Variants in MEX3C observed in about 807,000 individuals in gnomAD.
MEX3C encodes mex-3 RNA binding family member C.
Under a neutral mutation model 35.5 loss-of-function variants are expected in MEX3C, and 15 were observed. The observed-to-expected ratio is 0.42, with a 90% CI of 0.28 to 0.65. MEX3C has a LOEUF of 0.65. Ranked by LOEUF, MEX3C falls within the 30% of genes least tolerant of loss-of-function variation. The pLI, the probability that MEX3C is intolerant of heterozygous loss-of-function variation, is 0.20. For missense variants in MEX3C, 711 were observed against 842.8 expected (o/e 0.84, Z 1.94); for synonymous variants, 390 against 352.8 (o/e 1.11, Z -1.18).
At chr18:51,190,094 TGAGG>T (rs1462222617) in intron 1 of MEX3C, among the ~76,000 whole-genome samples, 1 of 152,008 alleles carries the variant, frequency 6.6e-6, no homozygotes, top group Non-Finnish European at 1.5e-5. Flanking sequence ...TCACAACAAA[TGAGG>T]GAGAGGGGAG....
At chr18:51,195,877 G>A (rs1912773009) in intron 1 of MEX3C, 1 of 152,282 alleles carries the variant, frequency 6.6e-6, no homozygotes, top group Non-Finnish European at 1.5e-5. Flanking sequence ...AATTACCTTA[G>A]TGTCCATTTT....
chr18:51,176,595 G>A lies in MEX3C; in HGVS notation c.1736C>T (p.Ala579Val). The A allele has an allele frequency of 1.9e-6, 3 of 1,614,030 alleles. No homozygotes were observed. Among genetic ancestry groups the A allele is most frequent in the Non-Finnish European group, 2.5e-6 (3 of 1,179,894 alleles). Residue 579 changes from alanine (A) to valine (V), a missense_variant, in exon 2 of 2, where the codon GCT becomes GTT. Around this residue, in one of 4 missense-constraint regions of MEX3C, gnomAD observed 87 missense variants for 150.4 expected, o/e 0.58. Transcript: ENST00000406189. ...NHVGLPIYIPAFSNGTNSYSS... is the reference protein window; with the variant it reads ...NHVGLPIYIPVFSNGTNSYSS... ...GTAACTATTGGTACCATTAGAAAAA[G>A]CAGGGATATATATTGGAAGGCCAAC...
At chr18:51,186,879 TA>T (rs1912551796) in intron 1 of MEX3C, among the ~76,000 whole-genome samples, 1 of 152,226 alleles carries the variant, frequency 6.6e-6, no homozygotes, top group South Asian at 2.1e-4. Context: ...ACAAGGTGAC[TA>T]AAGAAAGCTC....
chr18:51,177,158 A>G lies in MEX3C; in HGVS notation c.1173T>C (p.Ile391=). The G allele has an allele frequency of 6.2e-7, 1 of 1,613,832 alleles. No individual in the cohort carries two copies. The highest frequency in any genetic ancestry group is 2.2e-5 in the East Asian group (1 of 44,882). ...DRAREEIEMH[I]AMRTGNYIEL... ...CTATATAGTTTCCTGTACGCATGGC[A>G]ATATGCATTTCTATTTCTTCCCGTG... The change falls in exon 2 of 2, where the codon ATT becomes ATC. Residue 391 remains isoleucine (I), a synonymous_variant. Coordinates refer to ENST00000406189, the MANE Select transcript of MEX3C (RefSeq NM_016626.5). The surrounding 1 kb of genome is among the most constrained non-coding windows in gnomAD (Gnocchi z 4.2).
Position 51,192,105 on chromosome 18 carries a change from A to G in MEX3C, c.754+4462T>C, listed in dbSNP as rs139610329. ...CCACCTAGAATTCCAACCTATAAAC[A>G]TTGTTTGAAAATTTTCTAGATAGAA... On this transcript the variant is annotated intron_variant, in intron 1 of 1. Coordinates refer to ENST00000406189, the MANE Select transcript of MEX3C (RefSeq NM_016626.5). Among the ~76,000 whole-genome samples the G allele has an allele frequency of 1.6e-3, 242 of 152,268 alleles. 2 individuals are homozygous for G. The highest frequency in any genetic ancestry group is 5.6e-3 in the African/African-American group (232 of 41,576).
chr18:51,188,126 G>A (rs1371126017), intron 1 of MEX3C, among the ~76,000 whole-genome samples: 1 of 152,118 alleles, frequency 6.6e-6, no homozygotes, highest in African/African-American at 2.4e-5. Context: ...GCTATTTTAA[G>A]GCAAGAATAC....
Position 51,176,897 on chromosome 18 carries a change from G to C in MEX3C, c.1434C>G (p.Phe478Leu). The change falls in exon 2 of 2, where the codon TTC (phenylalanine) becomes TTG (leucine). Residue 478 changes from phenylalanine (F) to leucine (L), a missense_variant. Physicochemically the swap from Phe to Leu is conservative, Grantham distance 22. Transcript: ENST00000406189. ...SPTSPFSTGN[F>L]WFGDTLPSVG... ...CAGATGGTAGTGTATCTCCAAACCAGAAGTTTCCTGTGCTAAATGGGCTTG... is the reference window on the plus strand; with the variant it reads ...CAGATGGTAGTGTATCTCCAAACCACAAGTTTCCTGTGCTAAATGGGCTTG... 3.1e-6 allele frequency: 5 copies of C among 1,614,048 alleles called. No individual in the cohort carries two copies. The highest frequency in any genetic ancestry group is 4.2e-6 in the Non-Finnish European group (5 of 1,179,902).
chr18:51,176,396 T>G lies in MEX3C; in HGVS notation c.1935A>C (p.Pro645=). The G allele has an allele frequency of 6.2e-7, 1 of 1,613,974 alleles. No homozygotes were observed. Among genetic ancestry groups the G allele is most frequent in the Non-Finnish European group, 8.5e-7 (1 of 1,179,874 alleles). ...CCTGAGTAACAGCTGTCTGGCAAAC[T>G]GGACATGATGGCGTTCTCTTTTCAC... ...KICEKRTPSC[P]VCQTAVTQAI... The change falls in exon 2 of 2, where the codon CCA becomes CCC. Residue 645 remains proline, a synonymous_variant. Transcript: ENST00000406189.
chr18:51,178,156 T>C (rs1482076107), intron 1 of MEX3C, among the ~76,000 whole-genome samples: 1 of 152,192 alleles, frequency 6.6e-6, no homozygotes, highest in East Asian at 1.9e-4. Context: ...TAGAATGATT[T>C]TGTAATCATT....
chr18:51,182,839 A>G (rs1210397712), intron 1 of MEX3C, among the ~76,000 whole-genome samples: 1 of 152,250 alleles, frequency 6.6e-6, no homozygotes, highest in Non-Finnish European at 1.5e-5. Flanking sequence ...TCAGCATTTA[A>G]AAAAAGAACT....
At chr18:51,194,480 C>T (rs1350052047) in intron 1 of MEX3C, 1 of 151,940 alleles carries the variant, frequency 6.6e-6, no homozygotes, top group African/African-American at 2.4e-5. Flanking sequence ...ATAGCTGGTA[C>T]AAAATAAAAA....
At chr18:51,188,654 C>A in intron 1 of MEX3C, among the ~76,000 whole-genome samples, 1 of 150,870 alleles carries the variant, frequency 6.6e-6, no homozygotes, top group South Asian at 2.1e-4. Flanking sequence ...GAAGAAAACC[C>A]CAATTAAAAC....
intron 1 of MEX3C, chr18:51,195,587 A>T (rs1217483041): frequency 1.3e-5 from 2 of 152,132 alleles, no homozygotes; most frequent in Non-Finnish European, 2.9e-5. Flanking sequence ...GGCATGCAAC[A>T]ACCAGGCTAA....
At chr18:51,190,551 C>G (rs781122437) in intron 1 of MEX3C, among the ~76,000 whole-genome samples, 5 of 152,152 alleles carry the variant, frequency 3.3e-5, no homozygotes, top group Non-Finnish European at 7.4e-5. Context: ...ATAGACTTTA[C>G]TTGTGACCAA....
At chr18:51,186,437 T>C (rs1912539590) in intron 1 of MEX3C, among the ~76,000 whole-genome samples, 1 of 152,134 alleles carries the variant, frequency 6.6e-6, no homozygotes, top group African/African-American at 2.4e-5. Flanking sequence ...AAGCAAGGAA[T>C]CAAGAGTACA....
At chr18:51,192,581 T>A (rs1422201619) in intron 1 of MEX3C, among the ~76,000 whole-genome samples, 2 of 152,302 alleles carry the variant, frequency 1.3e-5, no homozygotes, top group East Asian at 3.9e-4. Context: ...TGGATAGTGG[T>A]ATTTTAAATT....
rs1350519632 is a variant in MEX3C at position 51,176,622 on chromosome 18, T to A, written c.1709A>T (p.His570Leu). The A allele has an allele frequency of 1.2e-6, 2 of 1,613,972 alleles. No homozygotes were observed. The highest frequency in any genetic ancestry group is 2.2e-5 in the South Asian group (2 of 91,082). Residue 570 changes from histidine (H) to leucine (L), a missense_variant, in exon 2 of 2, where the codon CAT (histidine) becomes CTT (leucine). Around this residue, in one of 4 missense-constraint regions of MEX3C, gnomAD observed 87 missense variants for 150.4 expected, o/e 0.58. Transcript: ENST00000406189. ...AGGGATATATATTGGAAGGCCAACA[T>A]GGTTGCCTGTACTAGGTGGGTCGCT... ...VRSDPPSTGNHVGLPIYIPAF... is the reference protein window; with the variant it reads ...VRSDPPSTGNLVGLPIYIPAF...
At chr18:51,188,891 CT>C (rs1413347718) in intron 1 of MEX3C, among the ~76,000 whole-genome samples, 1 of 152,164 alleles carries the variant, frequency 6.6e-6, no homozygotes, top group Non-Finnish European at 1.5e-5. Context: ...GACCTATTTT[CT>C]TTTCTTATAC....
Position 51,175,137 on chromosome 18 carries a change from A to G in MEX3C, c.*1214T>C. ...TGTCTATTTACTATTGAATACACAT[A>G]GGATTTCAATTTTCATTATACCGAG... On this transcript the variant is annotated 3_prime_UTR_variant, in exon 2 of 2. Coordinates refer to ENST00000406189, the MANE Select transcript of MEX3C (RefSeq NM_016626.5). 1 of 152,798 alleles carries G rather than the reference A, an allele frequency of 6.5e-6. No homozygotes were observed. The highest frequency in any genetic ancestry group is 2.1e-4 in the South Asian group (1 of 4,834). 9.5% of individuals were successfully genotyped at this position (152,798 alleles called of 1,614,324 possible).
Sources: gnomAD v4.1 joint callset for allele counts (sites outside exome capture counted in the v4.1 genomes callset) on GRCh38, gnomAD v4.1.1 for gene constraint, gnomAD v4.1.1 regional missense constraint, Gnocchi (gnomAD v3.1) non-coding constraint, MANE v1.5 for transcripts, NCBI Gene and HGNC (gene_info 2026-07-23, HGNC 2026-07-21) for gene names.